OSBPL10: variants seen among roughly 807,000 people sequenced by gnomAD.
The protein encoded by OSBPL10 is oxysterol binding protein like 10.
Under a neutral mutation model 81.7 loss-of-function variants are expected in OSBPL10, and 49 were observed. The observed-to-expected ratio is 0.60, with a 90% confidence interval of 0.48 to 0.76. The LOEUF (loss-of-function observed/expected upper bound fraction) is 0.76, where lower values mean the gene tolerates loss of function less well. OSBPL10 is among the 30% of genes least tolerant of loss of function. The pLI is 0.00. For synonymous variants in OSBPL10, 419 were observed against 383.6 expected (o/e 1.09, Z -1.08); for missense variants, 923 against 987.8 (o/e 0.93, Z 0.88).
At chr3:31,806,110 C>T (rs1228309341) in intron 4 of OSBPL10, among the ~76,000 whole-genome samples, 2 of 152,186 alleles carry the variant, frequency 1.3e-5, no homozygotes, top group Admixed American at 6.5e-5. Context: ...GGTTACAGGC[C>T]CTGGATGCTT....
intron 4 of OSBPL10, among the ~76,000 whole-genome samples, chr3:31,826,954 A>T (rs1700115462): frequency 6.6e-6 from 1 of 152,208 alleles, no homozygotes; most frequent in Non-Finnish European, 1.5e-5. Context: ...TTATATGTCA[A>T]CAATCTTACT....
intron 2 of OSBPL10, among the ~76,000 whole-genome samples, chr3:32,044,021 A>C (rs1336840887): frequency 6.6e-6 from 1 of 151,392 alleles, no homozygotes; most frequent in African/African-American, 2.4e-5. Flanking sequence ...CTCACTACCT[A>C]TTGGGTACTT....
chr3:31,682,931 C>T lies in OSBPL10; in HGVS notation c.1726+703G>A, dbSNP rs142064036. Among the ~76,000 whole-genome samples the T allele has an allele frequency of 8.5e-5, 13 of 152,232 alleles. 1 individual carries two copies. In the South Asian group the frequency reaches 2.5e-3, roughly 29 times the overall value. ...CTAAGGAGCCATGTACTCCCTGAAA[C>T]TCAAAGACAAATTTGGAGTTAGATT... On this transcript the variant is annotated intron_variant, in intron 8 of 11. Transcript: ENST00000396556.
chr3:31,864,753 C>T (rs1701135538), intron 3 of OSBPL10, among the ~76,000 whole-genome samples: 1 of 152,008 alleles, frequency 6.6e-6, no homozygotes, highest in Non-Finnish European at 1.5e-5. Context: ...GCATTTAATG[C>T]CAAGATAAAG....
At chr3:31,892,214 G>A (rs1412459554) in intron 1 of OSBPL10, among the ~76,000 whole-genome samples, 2 of 151,962 alleles carry the variant, frequency 1.3e-5, no homozygotes, top group Admixed American at 6.6e-5. Flanking sequence ...CCCTGAGGAC[G>A]GAGTGGGGAG....
At chr3:31,861,033 C>T (rs978864437) in intron 3 of OSBPL10, among the ~76,000 whole-genome samples, 6 of 152,038 alleles carry the variant, frequency 3.9e-5, no homozygotes, top group African/African-American at 1.4e-4. Flanking sequence ...CTTAAGTCTA[C>T]AGGTTATTAA....
At chr3:32,044,987 G>GA (rs1333331288) in intron 2 of OSBPL10, among the ~76,000 whole-genome samples, 3 of 152,154 alleles carry the variant, frequency 2.0e-5, no homozygotes, top group Non-Finnish European at 4.4e-5. Context: ...AAAGATTCCA[G>GA]AAAAAATCAA....
At chr3:31,768,170 C>G (rs1280899097) in intron 4 of OSBPL10, among the ~76,000 whole-genome samples, 1 of 152,082 alleles carries the variant, frequency 6.6e-6, no homozygotes, top group East Asian at 1.9e-4. Flanking sequence ...ACTGTCATGG[C>G]GCTGGTGGGA....
intron 6 of OSBPL10, among the ~76,000 whole-genome samples, chr3:31,702,952 T>G (rs1049545568): frequency 4.6e-5 from 7 of 152,190 alleles, no homozygotes; most frequent in African/African-American, 1.7e-4. Flanking sequence ...TAAAATTATT[T>G]ATGGAAAAAC....
intron 1 of OSBPL10, among the ~76,000 whole-genome samples, chr3:32,073,914 A>G (rs573804503): frequency 6.6e-6 from 1 of 152,072 alleles, no homozygotes; most frequent in Admixed American, 6.5e-5. Context: ...ATGAAGTTCT[A>G]TCCTTTACTT....
At chr3:32,023,696 C>T (rs1013730485) in intron 2 of OSBPL10, among the ~76,000 whole-genome samples, 1 of 152,172 alleles carries the variant, frequency 6.6e-6, no homozygotes, top group Non-Finnish European at 1.5e-5. Context: ...TTGCTGCATT[C>T]TCAGTCCTGC....
intron 1 of OSBPL10, among the ~76,000 whole-genome samples, chr3:31,894,954 T>C (rs1696009028): frequency 6.6e-6 from 1 of 152,134 alleles, no homozygotes; most frequent in Non-Finnish European, 1.5e-5. Flanking sequence ...CACTTGCTTT[T>C]TAGAAGATGA....
At chr3:31,921,737 G>GC (rs1453216637) in intron 1 of OSBPL10, among the ~76,000 whole-genome samples, 1 of 152,198 alleles carries the variant, frequency 6.6e-6, no homozygotes, top group East Asian at 1.9e-4. Context: ...ACTAGGTTGA[G>GC]CATAGGGACT....
chr3:31,867,451 C>T (rs1240957097), intron 3 of OSBPL10, among the ~76,000 whole-genome samples: 1 of 152,114 alleles, frequency 6.6e-6, no homozygotes, highest in Non-Finnish European at 1.5e-5. Flanking sequence ...TAATCAAGAA[C>T]AGGACACAGG....
intron 4 of OSBPL10, among the ~76,000 whole-genome samples, chr3:31,816,773 C>T (rs1408741878): frequency 6.6e-6 from 1 of 152,228 alleles, no homozygotes; most frequent in South Asian, 2.1e-4. Context: ...AGAGGAGACC[C>T]GTAGCGGGTG....
chr3:31,997,665 G>C (rs1699103525), intron 2 of OSBPL10, among the ~76,000 whole-genome samples: 1 of 151,930 alleles, frequency 6.6e-6, no homozygotes, highest in Admixed American at 6.6e-5. Context: ...CAAATAGTCT[G>C]CTTACCACAA....
intron 1 of OSBPL10, among the ~76,000 whole-genome samples, chr3:31,961,590 A>T (rs34451973): frequency 0.18 from 27,163 of 151,838 alleles, 2,649 homozygotes; most frequent in South Asian, 0.33. Flanking sequence ...GTGTCTTTTG[A>T]CATTTGTATT....
chr3:31,965,026 A>G (rs959319288), intron 1 of OSBPL10, among the ~76,000 whole-genome samples: 1 of 152,112 alleles, frequency 6.6e-6, no homozygotes, highest in Non-Finnish European at 1.5e-5. Context: ...AACCAAATAC[A>G]TATTCTTTCA....
At chr3:31,955,649 C>T (rs61133531) in intron 1 of OSBPL10, among the ~76,000 whole-genome samples, 25,897 of 152,144 alleles carry the variant, frequency 0.17, 2,662 homozygotes, top group South Asian at 0.27. Context: ...GAGAATTTAC[C>T]CACCAGGGAT....
Sources: gnomAD v4.1 joint callset for allele counts (sites outside exome capture counted in the v4.1 genomes callset) on GRCh38, gnomAD v4.1.1 for gene constraint, MANE v1.5 for transcripts, NCBI Gene and HGNC (gene_info 2026-07-23, HGNC 2026-07-21) for gene names.